Variants in FGF19 observed in about 807,000 individuals in gnomAD.
The protein encoded by FGF19 is FGF-19.
In FGF19, 5 loss-of-function variants were observed where a neutral mutation model predicts 8.9. The observed-to-expected ratio is 0.56, with a 90% confidence interval of 0.29 to 1.18. The LOEUF (loss-of-function observed/expected upper bound fraction) is 1.18, where lower values mean the gene tolerates loss of function less well. Among genes scored for constraint, FGF19 ranks in the 50% most tolerant of loss-of-function variants. The pLI, the probability that FGF19 is intolerant of heterozygous loss-of-function variation, is 0.08. For missense variants in FGF19, 237 were observed against 293.9 expected, an observed-to-expected ratio of 0.81 and a Z score of 1.42; for synonymous variants, 124 against 128.0, an observed-to-expected ratio of 0.97 and a Z score of 0.21.
chr11:69,703,606 C>T lies in FGF19; in HGVS notation c.232+39G>A. On this transcript the variant is annotated intron_variant, in intron 1 of 2. Coordinates refer to ENST00000294312, the MANE Select transcript of FGF19 (RefSeq NM_005117.3). The surrounding 1 kb of genome is among the most constrained non-coding windows in gnomAD (Gnocchi z 6.8). ...GGGGCGCGCGCAGCGGGGTGGGGTG[C>T]GCGCGGCGGGGCGGGCGGGGGTGCT... 2.4e-6 allele frequency: 2 copies of T among 847,034 alleles called. No individual in the cohort carries two copies. Among genetic ancestry groups the T allele is most frequent in the Non-Finnish European group, 1.4e-6 (1 of 698,260 alleles). 52.5% of individuals were successfully genotyped at this position (847,034 alleles called of 1,614,324 possible). A position where few individuals can be genotyped will look rare whatever the true frequency, so the allele number is the denominator to read the frequency against.
chr11:69,701,965 CAAAAAAAAAAAAA>C (rs59026695), intron 2 of FGF19, among the ~76,000 whole-genome samples: 13 of 72,904 alleles, frequency 1.8e-4, no homozygotes, highest in African/African-American at 3.3e-4. Flanking sequence ...AAGACTCTGC[CAAAAAAAAAAAAA>C]AAAAAAAAAA....
Position 69,698,404 on chromosome 11 carries a change from C to T in FGF19, c.*858G>A, listed in dbSNP as rs562485781. 71 of 186,970 alleles carry T rather than the reference C, an allele frequency of 3.8e-4. No homozygotes were observed. The highest frequency in any genetic ancestry group is 2.3e-4 in the Non-Finnish European group (20 of 88,524). The allele number at this position is 186,970 out of a possible 1,614,324, so 11.6% of individuals were successfully genotyped here. ...TGCTGGGGAAAGGGTTCTAGGTCTT[C>T]CCCCGCTGCTTCCACACAGCAAGTT... On this transcript the variant is annotated 3_prime_UTR_variant, in exon 3 of 3. Coordinates refer to ENST00000294312, the MANE Select transcript of FGF19 (RefSeq NM_005117.3).
Position 69,699,392 on chromosome 11 carries a change from T to A in FGF19, c.521A>T (p.Glu174Val). 3.7e-6 allele frequency: 6 copies of A among 1,614,152 alleles called. No individual in the cohort carries two copies. Among genetic ancestry groups the A allele is most frequent in the Non-Finnish European group, 5.1e-6 (6 of 1,180,022 alleles). ...HFLPMLPMVP[E>V]EPEDLRGHLE... ...GTGGCCCCTGAGGTCCTCAGGCTCC[T>A]CTGGGACCATGGGCAGCATGGGCAG... The change falls in exon 3 of 3, where the codon GAG becomes GTG. Residue 174 changes from glutamate (E) to valine (V), a missense_variant. Coordinates refer to ENST00000294312, the MANE Select transcript of FGF19 (RefSeq NM_005117.3).
Position 69,699,429 on chromosome 11 carries a change from G to A in FGF19, c.484C>T (p.Leu162Phe), listed in dbSNP as rs1854743664. Residue 162 changes from leucine (L) to phenylalanine (F), a missense_variant, in exon 3 of 3, where the codon CTC becomes TTC. Transcript: ENST00000294312. ...QLYKNRGFLPLSHFLPMLPMV... is the reference protein window; with the variant it reads ...QLYKNRGFLPFSHFLPMLPMV... ...GGCAGCATGGGCAGGAAATGAGAGA[G>A]TGGAAGAAAGCCTCTGTTCTTGTAC... The A allele has an allele frequency of 6.2e-7, 1 of 1,614,240 alleles. No homozygotes were observed.
rs753170453 is a variant in FGF19 at position 69,702,008 on chromosome 11, T to C, written c.336+1253A>G. Among the ~76,000 whole-genome samples the C allele has an allele frequency of 3.6e-4, 52 of 143,962 alleles. 1 individual carries two copies. Among genetic ancestry groups the C allele is most frequent in the Admixed American group, 3.6e-3 (52 of 14,422 alleles). The allele number at this position is 143,962 out of a possible 152,430, so 94.4% of individuals were successfully genotyped here. A position where few individuals can be genotyped will look rare whatever the true frequency, so the allele number is the denominator to read the frequency against. On this transcript the variant is annotated intron_variant, in intron 2 of 2. Coordinates refer to ENST00000294312, the MANE Select transcript of FGF19 (RefSeq NM_005117.3). This position sits in a 1 kb window ranked among gnomAD's most constrained non-coding sequence, Gnocchi z 4.6. ...AAAAAAAAAAAGGCACAGAGGGATT[T>C]CAGGTGACCCAACCCCCAATTTGGG...
chr11:69,701,551 C>T (rs1268932896), intron 2 of FGF19, among the ~76,000 whole-genome samples: 3 of 124,056 alleles, frequency 2.4e-5, no homozygotes. Flanking sequence ...TGCAGTGAGC[C>T]AAGATCATAC....
intron 2 of FGF19, among the ~76,000 whole-genome samples, chr11:69,701,337 C>G (rs1246187901): frequency 6.6e-6 from 1 of 152,188 alleles, no homozygotes; most frequent in African/African-American, 2.4e-5. Flanking sequence ...CGAGGTGGCT[C>G]ATGCCTGTAA....
intron 2 of FGF19, among the ~76,000 whole-genome samples, chr11:69,700,372 A>G (rs1590931746): frequency 1.3e-5 from 2 of 152,294 alleles, no homozygotes; most frequent in African/African-American, 4.8e-5. Flanking sequence ...AATTTCCACT[A>G]AATTACCTCA....
Position 69,703,462 on chromosome 11 carries a change from C to G in FGF19, c.233-98G>C, listed in dbSNP as rs957932691. 1.9e-6 allele frequency: 2 copies of G among 1,032,924 alleles called. No individual in the cohort carries two copies. Among genetic ancestry groups the G allele is most frequent in the East Asian group, 5.5e-5 (2 of 36,292 alleles). The allele number at this position is 1,032,924 out of a possible 1,614,324, so 64.0% of individuals were successfully genotyped here. On this transcript the variant is annotated intron_variant, in intron 1 of 2. Transcript: ENST00000294312. This position sits in a 1 kb window ranked among gnomAD's most constrained non-coding sequence, Gnocchi z 6.8. ...AAGCCTGTGCTTCTCCCTAGCGTCC[C>G]GCGCTGTTTGGGGACTAACGGAGGG...
At position 69,702,921 on chromosome 11, in the gene FGF19, C is replaced by A. The variant is rs1854792322; in HGVS notation, c.336+340G>T. Among the ~76,000 whole-genome samples the A allele has an allele frequency of 2.0e-5, 3 of 152,124 alleles. No individual in the cohort carries two copies. The highest frequency in any genetic ancestry group is 2.9e-5 in the Non-Finnish European group (2 of 68,002). On this transcript the variant is annotated intron_variant, in intron 2 of 2. Transcript: ENST00000294312. This position sits in a 1 kb window ranked among gnomAD's most constrained non-coding sequence, Gnocchi z 4.6. Reference sequence around the variant, plus strand: ...AGGACCACACACGCGCAGGCAGAGGCTGAAAAGGCCCGAGGTGGGTTTTCC... The same window carrying A: ...AGGACCACACACGCGCAGGCAGAGGATGAAAAGGCCCGAGGTGGGTTTTCC...
chr11:69,701,605 T>TTA (rs1458307870), intron 2 of FGF19, among the ~76,000 whole-genome samples: 1 of 13,190 alleles, frequency 7.6e-5, no homozygotes, highest in African/African-American at 3.0e-4. Flanking sequence ...AGACTCCGTC[T>TTA]CAAAAAAAAA....
rs1322347042 is a variant in FGF19, at chr11:69,702,612, C to A, written c.336+649G>T. On this transcript the variant is annotated intron_variant, in intron 2 of 2. Transcript: ENST00000294312. The surrounding 1 kb of genome is among the most constrained non-coding windows in gnomAD (Gnocchi z 4.6). ...CTGGGCCTTCCCTGCCAGCCCCCAC[C>A]CCCTGCCCCCACCAGAAAGCGTTTA... is the stretch of plus-strand genomic sequence containing the variant. 1.3e-5 allele frequency among the ~76,000 whole-genome samples: 2 copies of A among 152,274 alleles called. No homozygotes were observed. Among genetic ancestry groups the A allele is most frequent in the African/African-American group, 2.4e-5 (1 of 41,554 alleles).
Position 69,703,941 on chromosome 11 carries a change from G to T in FGF19, c.-65C>A. On this transcript the variant is annotated 5_prime_UTR_variant, in exon 1 of 3. Coordinates refer to ENST00000294312, the MANE Select transcript of FGF19 (RefSeq NM_005117.3). This position sits in a 1 kb window ranked among gnomAD's most constrained non-coding sequence, Gnocchi z 6.8. ...GGGTGCGGGAGGCTGGGCGGCGACC[G>T]GGATGCGCTGCGGGGCTGTGAGTGC... 1.0e-6 allele frequency: 1 copy of T among 996,558 alleles called. No homozygotes were observed. Among genetic ancestry groups the T allele is most frequent in the Non-Finnish European group, 1.3e-6 (1 of 769,106 alleles). The allele number at this position is 996,558 out of a possible 1,614,324, so 61.7% of individuals were successfully genotyped here. A position where few individuals can be genotyped will look rare whatever the true frequency, so the allele number is the denominator to read the frequency against.
Position 69,702,479 on chromosome 11 carries a change from G to A in FGF19, c.336+782C>T, listed in dbSNP as rs1460929132. Among the ~76,000 whole-genome samples, 2 of 152,122 alleles carry A rather than the reference G, an allele frequency of 1.3e-5. No homozygotes were observed. The highest frequency in any genetic ancestry group is 2.4e-5 in the African/African-American group (1 of 41,428). On this transcript the variant is annotated intron_variant, in intron 2 of 2. Coordinates refer to ENST00000294312, the MANE Select transcript of FGF19 (RefSeq NM_005117.3). The surrounding 1 kb of genome is among the most constrained non-coding windows in gnomAD (Gnocchi z 4.6). Reference sequence around the variant, plus strand: ...CCTCACACAGCCTCCTCTGCGCGCGGGGCCGCGGGAGGGGCGCGGGTTCGT... The same window carrying A: ...CCTCACACAGCCTCCTCTGCGCGCGAGGCCGCGGGAGGGGCGCGGGTTCGT...
chr11:69,700,879 A>C (rs141371424), intron 2 of FGF19, among the ~76,000 whole-genome samples: 17 of 152,368 alleles, frequency 1.1e-4, no homozygotes, highest in African/African-American at 3.8e-4. Flanking sequence ...CCAGTGGGCA[A>C]GTGCCATCCC....
Position 69,703,653 on chromosome 11 carries a change from C to T in FGF19, c.224G>A (p.Ser75Asn). The T allele has an allele frequency of 8.1e-7, 1 of 1,232,544 alleles. No homozygotes were observed. Among genetic ancestry groups the T allele is most frequent in the Non-Finnish European group, 1.0e-6 (1 of 988,680 alleles). The allele number at this position is 1,232,544 out of a possible 1,614,324, so 76.4% of individuals were successfully genotyped here. A position where few individuals can be genotyped will look rare whatever the true frequency, so the allele number is the denominator to read the frequency against. Residue 75 changes from serine (S) to asparagine (N), a missense_variant, in exon 1 of 3, where the codon AGC becomes AAC. Ser to Asn is a conservative substitution (Grantham distance 46, BLOSUM62 1). Coordinates refer to ENST00000294312, the MANE Select transcript of FGF19 (RefSeq NM_005117.3). This position sits in a 1 kb window ranked among gnomAD's most constrained non-coding sequence, Gnocchi z 6.8. Reference sequence around the variant, plus strand: ...TGCTGGCGGGCACTCACTGTGCGCGCTCTGGCCCCGCGCGCAGTCCACGAC... The same window carrying T: ...TGCTGGCGGGCACTCACTGTGCGCGTTCTGGCCCCGCGCGCAGTCCACGAC... ...DGVVDCARGQ[S>N]AHSLLEIKAV...
In FGF19 at chr11:69,702,989, C is replaced by G. The variant is rs1334332707; in HGVS notation, c.336+272G>C. Among the ~76,000 whole-genome samples the G allele has an allele frequency of 6.6e-6, 1 of 152,178 alleles. No individual in the cohort carries two copies. Among genetic ancestry groups the G allele is most frequent in the African/African-American group, 2.4e-5 (1 of 41,458 alleles). On this transcript the variant is annotated intron_variant, in intron 2 of 2. Coordinates refer to ENST00000294312, the MANE Select transcript of FGF19 (RefSeq NM_005117.3). This position sits in a 1 kb window ranked among gnomAD's most constrained non-coding sequence, Gnocchi z 4.6. ...GGCCGAATAATGGGTTTCCTCGGTC[C>G]GGCTAGGCCGGCCTTTGACTCAATT...
Position 69,699,348 on chromosome 11 carries a change from A to G in FGF19, c.565T>C (p.Ser189Pro), listed in dbSNP as rs369188921. The stretch of plus-strand genomic sequence containing the variant: ...ATGCTGTCGGTCTCCAGGGGCGAAG[A>G]GAACATGTCAGATTCCAAGTGGCCC... ...LRGHLESDMFSSPLETDSMDP... is the reference protein window; with the variant it reads ...LRGHLESDMFPSPLETDSMDP... The change falls in exon 3 of 3, where the codon TCT becomes CCT. Residue 189 changes from serine to proline, a missense_variant. By Grantham distance (74) the Ser-to-Pro change is moderately conservative. Coordinates refer to ENST00000294312, the MANE Select transcript of FGF19 (RefSeq NM_005117.3). 4 of 1,614,084 alleles carry G rather than the reference A, an allele frequency of 2.5e-6. No individual in the cohort carries two copies. In the African/African-American group the frequency reaches 5.3e-5, roughly 22 times the overall value.
In FGF19 at chr11:69,703,364, C is replaced by T. The variant is rs758325107; in HGVS notation, c.233G>A (p.Ser78Asn). 30 of 1,604,718 alleles carry T rather than the reference C, an allele frequency of 1.9e-5. No individual in the cohort carries two copies. Among genetic ancestry groups the T allele is most frequent in the Non-Finnish European group, 2.5e-5 (29 of 1,176,072 alleles). ...VDCARGQSAH[S>N]LLEIKAVALR... ...AGCGACTGCCTTGATCTCCAGCAAA[C>T]CTAGGCGCAGGGGAAGCGAGAAGCT... The change falls in exon 2 of 3, where the codon AGT becomes AAT. Residue 78 changes from serine (S) to asparagine (N), a missense_variant and splice_region_variant. Transcript: ENST00000294312. The surrounding 1 kb of genome is among the most constrained non-coding windows in gnomAD (Gnocchi z 6.8).
Sources: allele counts gnomAD v4.1 joint callset (sites outside exome capture counted in the v4.1 genomes callset), GRCh38; gene constraint gnomAD v4.1.1; non-coding constraint Gnocchi (gnomAD v3.1); transcripts MANE v1.5; gene names NCBI Gene and HGNC (gene_info 2026-07-23, HGNC 2026-07-21).